CDH12: variants seen among roughly 807,000 people sequenced by gnomAD.
The protein encoded by CDH12 is cadherin-12.
In CDH12, 41 loss-of-function variants were observed where a neutral mutation model predicts 74.1. That is an observed-to-expected ratio of 0.55 (90% confidence interval 0.43 to 0.72). The LOEUF (loss-of-function observed/expected upper bound fraction) is 0.72. Ranked by LOEUF, CDH12 falls within the 30% of genes least tolerant of loss-of-function variation. CDH12 has a pLI of 0.00. For synonymous variants in CDH12, 399 were observed against 355.0 expected (o/e 1.12, Z -1.39); for missense variants, 945 against 977.2 (o/e 0.97, Z 0.44).
chr5:22,592,190 A>G (rs771369353), intron 1 of CDH12, among the ~76,000 whole-genome samples: 1 of 152,162 alleles, frequency 6.6e-6, no homozygotes, highest in Non-Finnish European at 1.5e-5. Flanking sequence ...TAAAAATAAA[A>G]TCTCTGATCA....
At chr5:21,961,287 T>A (rs1756353262) in intron 6 of CDH12, among the ~76,000 whole-genome samples, 1 of 152,178 alleles carries the variant, frequency 6.6e-6, no homozygotes, top group African/African-American at 2.4e-5. Flanking sequence ...TCATTCCATC[T>A]CTGATATTTC....
chr5:22,838,491 T>G (rs1215453713), intron 1 of CDH12, among the ~76,000 whole-genome samples: 1 of 152,192 alleles, frequency 6.6e-6, no homozygotes, highest in Non-Finnish European at 1.5e-5. Flanking sequence ...AAATTTAGAA[T>G]GGGCTCTATT....
intron 1 of CDH12, among the ~76,000 whole-genome samples, chr5:22,570,125 G>A (rs555353315): frequency 2.6e-5 from 4 of 151,518 alleles, no homozygotes; most frequent in Non-Finnish European, 2.9e-5. Context: ...GAGTGATCTC[G>A]GCTCACTGCA....
chr5:22,009,287 T>G (rs4580744), intron 5 of CDH12, among the ~76,000 whole-genome samples: 4,870 of 152,302 alleles, frequency 0.032, 265 homozygotes, highest in African/African-American at 0.11. Context: ...CCTCTGACTT[T>G]GGCTACAGGA....
intron 1 of CDH12, among the ~76,000 whole-genome samples, chr5:22,597,335 T>C (rs1020509652): frequency 3.3e-5 from 5 of 152,252 alleles, no homozygotes; most frequent in Non-Finnish European, 7.3e-5. Flanking sequence ...ATAAATAAGC[T>C]ACAGCTTTCA....
chr5:22,605,337 G>A (rs534146331), intron 1 of CDH12, among the ~76,000 whole-genome samples: 24 of 152,168 alleles, frequency 1.6e-4, no homozygotes, highest in African/African-American at 5.1e-4. Context: ...TACTTCTCTG[G>A]AGGATCCTGA....
At chr5:22,506,426 T>C (rs997282714) in intron 1 of CDH12, among the ~76,000 whole-genome samples, 1 of 152,162 alleles carries the variant, frequency 6.6e-6, no homozygotes, top group Non-Finnish European at 1.5e-5. Context: ...GTTGGTCTAA[T>C]TGTTTTAGCT....
chr5:21,968,478 T>C (rs948905663), intron 6 of CDH12, among the ~76,000 whole-genome samples: 11 of 152,186 alleles, frequency 7.2e-5, no homozygotes, highest in African/African-American at 2.4e-4. Flanking sequence ...CTGTATTTCA[T>C]GGAAAAAGAA....
intron 3 of CDH12, among the ~76,000 whole-genome samples, chr5:22,314,216 G>T (rs1361742396): frequency 6.6e-6 from 1 of 152,132 alleles, no homozygotes; most frequent in Non-Finnish European, 1.5e-5. Context: ...AACTTTGGGA[G>T]TAGTCAGGGT....
At chr5:21,867,524 G>A (rs190492762) in intron 6 of CDH12, among the ~76,000 whole-genome samples, 2 of 152,342 alleles carry the variant, frequency 1.3e-5, no homozygotes, top group East Asian at 1.9e-4. Flanking sequence ...CTGGATGTGA[G>A]ACATGTAGTC....
In CDH12 at chr5:22,415,707, A is replaced by G. The variant is rs147968185; in HGVS notation, c.-427-10356T>C. Among the ~76,000 whole-genome samples the G allele has an allele frequency of 1.2e-3, 177 of 152,348 alleles. 2 individuals are homozygous for G. The highest frequency in any genetic ancestry group is 3.9e-3 in the African/African-American group (163 of 41,584). On this transcript the variant is annotated intron_variant, in intron 2 of 14. Coordinates refer to ENST00000382254, the MANE Select transcript of CDH12 (RefSeq NM_004061.5). ...GAGTCTGAGAGCAATCAAAGTACCAACAAAGAATTAAAAGATACACAAATG... is the reference window on the plus strand; with the variant it reads ...GAGTCTGAGAGCAATCAAAGTACCAGCAAAGAATTAAAAGATACACAAATG...
intron 1 of CDH12, among the ~76,000 whole-genome samples, chr5:22,676,125 A>C (rs1430893191): frequency 2.6e-5 from 4 of 151,878 alleles, no homozygotes; most frequent in African/African-American, 9.7e-5. Context: ...AAAATAATAC[A>C]TTCCTCATCA....
intron 3 of CDH12, among the ~76,000 whole-genome samples, chr5:22,300,754 C>T (rs376346094): frequency 4.6e-5 from 7 of 152,136 alleles, no homozygotes; most frequent in Non-Finnish European, 5.9e-5. Flanking sequence ...GAATCCATAA[C>T]GGTCACATAC....
intron 4 of CDH12, among the ~76,000 whole-genome samples, chr5:22,117,667 G>A (rs1745255152): frequency 6.7e-6 from 1 of 148,554 alleles, no homozygotes; most frequent in African/African-American, 2.5e-5. Context: ...ATCTATAAAC[G>A]ATAAAGAGTG....
rs1021760127 is a variant in CDH12, at chr5:22,719,928, G to C, written c.-523+133130C>G. Among the ~76,000 whole-genome samples the C allele has an allele frequency of 1.2e-4, 18 of 152,086 alleles. 1 individual carries two copies. The highest frequency in any genetic ancestry group is 8.5e-4 in the Admixed American group (13 of 15,266). ...CCTGGGGAAAGAAGTCTTCACAGCAGCTTCTTTGCTTCCTCCAACCCTCCT... is the reference window on the plus strand; with the variant it reads ...CCTGGGGAAAGAAGTCTTCACAGCACCTTCTTTGCTTCCTCCAACCCTCCT... On this transcript the variant is annotated intron_variant, in intron 1 of 14. Transcript: ENST00000382254.
At chr5:22,562,328 C>CAAAA (rs5866573) in intron 1 of CDH12, among the ~76,000 whole-genome samples, 7 of 150,510 alleles carry the variant, frequency 4.7e-5, no homozygotes, top group East Asian at 3.9e-4. Context: ...AAAACAAAAA[C>CAAAA]AAAAAACAAA....
intron 1 of CDH12, among the ~76,000 whole-genome samples, chr5:22,836,427 C>T (rs1561066189): frequency 6.6e-6 from 1 of 151,452 alleles, no homozygotes; most frequent in Non-Finnish European, 1.5e-5. Flanking sequence ...GACAGGGTTT[C>T]ACTATGTTAG....
chr5:22,450,405 C>G (rs951149520), intron 2 of CDH12, among the ~76,000 whole-genome samples: 2 of 151,860 alleles, frequency 1.3e-5, no homozygotes, highest in African/African-American at 4.8e-5. Flanking sequence ...AAAGTCTTCT[C>G]AATCTTGAAA....
intron 9 of CDH12, among the ~76,000 whole-genome samples, chr5:21,815,821 G>T (rs1343589012): frequency 6.6e-6 from 1 of 151,968 alleles, no homozygotes; most frequent in Non-Finnish European, 1.5e-5. Context: ...CCATAAAAAG[G>T]CTCAATATCA....
Sources: gnomAD v4.1 joint callset for allele counts (sites outside exome capture counted in the v4.1 genomes callset) on GRCh38, gnomAD v4.1.1 for gene constraint, MANE v1.5 for transcripts, NCBI Gene and HGNC (gene_info 2026-07-23, HGNC 2026-07-21) for gene names.